CHRM3: variants seen among roughly 807,000 people sequenced by gnomAD.
CHRM3 encodes cholinergic receptor muscarinic 3.
In CHRM3, 11 loss-of-function variants were observed where a neutral mutation model predicts 41.8. The observed-to-expected ratio is 0.26, with a 90% CI of 0.17 to 0.44. CHRM3 has a LOEUF of 0.44. Among genes scored for constraint, CHRM3 ranks in the 20% least tolerant of loss-of-function variants. CHRM3 has a pLI of 1.00. For synonymous variants in CHRM3, 297 were observed against 301.4 expected (o/e 0.99, Z 0.15); for missense variants, 571 against 745.4 (o/e 0.77, Z 2.72).
chr1:239,698,637 C>G (rs1307198404), intron 5 of CHRM3, among the ~76,000 whole-genome samples: 1 of 152,228 alleles, frequency 6.6e-6, no homozygotes. Flanking sequence ...AGCATATACA[C>G]TTTTGGCAAA....
intron 1 of CHRM3, among the ~76,000 whole-genome samples, chr1:239,418,545 T>A (rs188295185): frequency 2.0e-5 from 3 of 152,230 alleles, no homozygotes; most frequent in Non-Finnish European, 2.9e-5. Context: ...TTTGTAATTT[T>A]AAGTCTATCA....
At chr1:239,781,636 G>T (rs1217072337) in intron 5 of CHRM3, among the ~76,000 whole-genome samples, 1 of 151,984 alleles carries the variant, frequency 6.6e-6, no homozygotes, top group Non-Finnish European at 1.5e-5. Flanking sequence ...TGCATTAGCT[G>T]GAACTTCCAG....
chr1:239,534,087 G>T (rs1558297808), intron 2 of CHRM3, among the ~76,000 whole-genome samples: 1 of 152,202 alleles, frequency 6.6e-6, no homozygotes, highest in Non-Finnish European at 1.5e-5. Context: ...CAGCACTTTG[G>T]GAGGCCAAGG....
intron 3 of CHRM3, among the ~76,000 whole-genome samples, chr1:239,618,273 CTTTCTTTTTTTTT>C (rs1170494207): frequency 8.8e-6 from 1 of 113,048 alleles, no homozygotes; most frequent in Non-Finnish European, 1.7e-5. Context: ...CTTTTTTTTT[CTTTCTTTTTTTTT>C]TTTTTTTTTA....
intron 4 of CHRM3, among the ~76,000 whole-genome samples, chr1:239,651,945 A>G (rs1356496504): frequency 6.6e-6 from 1 of 150,674 alleles, no homozygotes; most frequent in East Asian, 2.0e-4. Context: ...CCTCTTAAGT[A>G]TGGCTGTGTT....
At position 239,412,907 on chromosome 1, in the gene CHRM3, G is replaced by A. The variant is rs193136655; in HGVS notation, c.-521+25680G>A. On this transcript the variant is annotated intron_variant, in intron 1 of 6. Coordinates refer to ENST00000676153, the MANE Select transcript of CHRM3 (RefSeq NM_001375978.1). ...CAGCCTGGCCAACATGGTGAAACCC[G>A]TCTCTACTAAAAATACAAAAATTAG... Among the ~76,000 whole-genome samples, 7 of 151,770 alleles carry A rather than the reference G, an allele frequency of 4.6e-5. No homozygotes were observed. In the South Asian group the frequency reaches 8.3e-4, roughly 18 times the overall value.
intron 2 of CHRM3, among the ~76,000 whole-genome samples, chr1:239,503,395 T>A (rs530664173): frequency 5.3e-5 from 8 of 152,164 alleles, no homozygotes; most frequent in African/African-American, 1.9e-4. Context: ...TACAAAACAC[T>A]GCTGAAAGAA....
At chr1:239,499,966 C>T (rs1223820057) in intron 2 of CHRM3, among the ~76,000 whole-genome samples, 2 of 152,144 alleles carry the variant, frequency 1.3e-5, no homozygotes, top group African/African-American at 4.8e-5. Context: ...GCCACCACTA[C>T]AAGAACTGCT....
intron 5 of CHRM3, among the ~76,000 whole-genome samples, chr1:239,743,788 CTTTTTTT>C (rs10718514): frequency 6.2e-5 from 5 of 81,200 alleles, no homozygotes; most frequent in South Asian, 1.1e-3. Context: ...TTTTTTTTTT[CTTTTTTT>C]TTTTTTTTTT....
chr1:239,599,027 G>A (rs946277170), intron 3 of CHRM3, among the ~76,000 whole-genome samples: 14 of 152,032 alleles, frequency 9.2e-5, no homozygotes, highest in African/African-American at 3.1e-4. Context: ...TTTCTCTCCT[G>A]CTTTAAAGAG....
At chr1:239,391,311 T>C (rs1659016224) in intron 1 of CHRM3, among the ~76,000 whole-genome samples, 1 of 152,206 alleles carries the variant, frequency 6.6e-6, no homozygotes, top group African/African-American at 2.4e-5. Context: ...GAGAATCCAG[T>C]GCATGTGGAT....
At chr1:239,638,664 C>T (rs1670755759) in intron 4 of CHRM3, among the ~76,000 whole-genome samples, 1 of 152,050 alleles carries the variant, frequency 6.6e-6, no homozygotes, top group Admixed American at 6.6e-5. Flanking sequence ...TGGATATTAG[C>T]CCTTTGTCAG....
intron 1 of CHRM3, among the ~76,000 whole-genome samples, chr1:239,467,544 C>T (rs770201829): frequency 9.9e-5 from 15 of 152,210 alleles, no homozygotes; most frequent in Non-Finnish European, 1.6e-4. Context: ...TCGTGATCCG[C>T]CTGCCTCGGC....
chr1:239,891,879 G>T (rs6678092), intron 6 of CHRM3, among the ~76,000 whole-genome samples: 5,904 of 152,212 alleles, frequency 0.039, 302 homozygotes, highest in African/African-American at 0.12. Flanking sequence ...CTGGTTTCTG[G>T]TCAGCCTTAA....
At chr1:239,553,610 C>T (rs1023300801) in intron 3 of CHRM3, among the ~76,000 whole-genome samples, 1 of 152,122 alleles carries the variant, frequency 6.6e-6, no homozygotes, top group Non-Finnish European at 1.5e-5. Context: ...GATTGATTCC[C>T]TACAGTGGGG....
At chr1:239,780,875 A>G (rs967900781) in intron 5 of CHRM3, among the ~76,000 whole-genome samples, 1 of 151,912 alleles carries the variant, frequency 6.6e-6, no homozygotes, top group Admixed American at 6.6e-5. Flanking sequence ...TGGAAAAGCT[A>G]TCTGTAGTCT....
intron 5 of CHRM3, among the ~76,000 whole-genome samples, chr1:239,757,497 G>A (rs1666337091): frequency 6.6e-6 from 1 of 152,030 alleles, no homozygotes; most frequent in Admixed American, 6.6e-5. Context: ...AGGCGTGGTG[G>A]CGAGCCCCTG....
intron 3 of CHRM3, among the ~76,000 whole-genome samples, chr1:239,552,065 T>C (rs752199859): frequency 6.7e-4 from 101 of 151,708 alleles, no homozygotes; most frequent in Middle Eastern, 3.6e-3. Flanking sequence ...TATGCTCAAG[T>C]AACTATGGTA....
intron 5 of CHRM3, among the ~76,000 whole-genome samples, chr1:239,760,064 GC>G (rs1666613176): frequency 6.8e-6 from 1 of 147,892 alleles, no homozygotes; most frequent in African/African-American, 2.5e-5. Flanking sequence ...ACAGGCACCC[GC>G]CACCACACCC....
Sources: allele counts gnomAD v4.1 joint callset (sites outside exome capture counted in the v4.1 genomes callset), GRCh38; gene constraint gnomAD v4.1.1; transcripts MANE v1.5; gene names NCBI Gene and HGNC (gene_info 2026-07-23, HGNC 2026-07-21).